The following PCDH11X variants were observed in gnomAD, a reference collection of about 807,000 sequenced individuals.
The protein encoded by PCDH11X is protocadherin 11 X-linked, also known as protocadherin-11 X-linked.
A neutral mutation model predicts 53.3 loss-of-function variants in PCDH11X; 18 were observed. That is an observed-to-expected ratio of 0.34 (90% CI 0.23 to 0.50). The LOEUF (loss-of-function observed/expected upper bound fraction) is 0.50, where lower values mean the gene tolerates loss of function less well. Ranked by LOEUF, PCDH11X falls within the 20% of genes least tolerant of loss-of-function variation. The pLI, the probability that PCDH11X is intolerant of heterozygous loss-of-function variation, is 0.98. For synonymous variants in PCDH11X, 279 were observed against 393.3 expected (o/e 0.71, Z 3.44); for missense variants, 570 against 1,032.4 (o/e 0.55, Z 6.14).
chrX:91,792,020 C>T (rs1935569872), intron 1 of PCDH11X, among the ~76,000 whole-genome samples: 1 of 109,408 alleles, frequency 9.1e-6, no homozygotes, highest in East Asian at 2.9e-4. Context: ...CGCCACCGCG[C>T]CTGGCTAACT....
chrX:92,180,835 C>T (rs1232831426), intron 6 of PCDH11X, among the ~76,000 whole-genome samples: 2 of 109,012 alleles, frequency 1.8e-5, no homozygotes, highest in Non-Finnish European at 3.8e-5. Context: ...CCTCTCCAGC[C>T]ATGTGGAACT....
chrX:92,432,640 G>A (rs1232657759), intron 9 of PCDH11X, among the ~76,000 whole-genome samples: 1 of 109,044 alleles, frequency 9.2e-6, no homozygotes, highest in Non-Finnish European at 1.9e-5. Flanking sequence ...GATTTCCATG[G>A]GCACTCTGTT....
chrX:92,196,377 G>C (rs2066291877), intron 6 of PCDH11X, among the ~76,000 whole-genome samples: 1 of 111,529 alleles, frequency 9.0e-6, no homozygotes, highest in Admixed American at 9.6e-5. Flanking sequence ...AAGCTTTTGA[G>C]AAATCTCCAG....
chrX:91,804,622 CAG>C (rs756957437), intron 1 of PCDH11X, among the ~76,000 whole-genome samples: 1 of 109,882 alleles, frequency 9.1e-6, no homozygotes, highest in Non-Finnish European at 1.9e-5. Context: ...TTTATTAGGT[CAG>C]AGAGGGTATA....
intron 6 of PCDH11X, among the ~76,000 whole-genome samples, chrX:92,147,984 C>T (rs12007469): frequency 6.9e-4 from 50 of 72,098 alleles, no homozygotes; most frequent in East Asian, 6.4e-3. Context: ...TTCCTTCCTT[C>T]CTTTCTTTCT....
intron 10 of PCDH11X, among the ~76,000 whole-genome samples, chrX:92,603,485 T>G (rs1446355239): frequency 1.0e-5 from 1 of 100,342 alleles, no homozygotes; most frequent in African/African-American, 3.7e-5. Flanking sequence ...TTTAATGAAG[T>G]CTGATAAACA....
chrX:92,577,995 A>T (rs1444778239), intron 10 of PCDH11X, among the ~76,000 whole-genome samples: 93 of 108,865 alleles, frequency 8.5e-4, no homozygotes, highest in Admixed American at 2.9e-3. Context: ...TGTGGCAAAG[A>T]ATGCATATTC....
intron 7 of PCDH11X, among the ~76,000 whole-genome samples, chrX:92,229,808 GACCAAACTT>G (rs1048358849): frequency 4.5e-5 from 5 of 111,066 alleles, no homozygotes; most frequent in Non-Finnish European, 9.4e-5. Flanking sequence ...CTGGAAACAT[GACCAAACTT>G]ACCAAGCAGC....
chrX:92,399,421 G>A (rs1284676604), intron 9 of PCDH11X, among the ~76,000 whole-genome samples: 2 of 110,424 alleles, frequency 1.8e-5, no homozygotes, highest in Non-Finnish European at 3.8e-5. Flanking sequence ...AGCTGACCCA[G>A]GTAAAGATGA....
At chrX:92,218,992 A>C (rs1414024835) in intron 7 of PCDH11X, among the ~76,000 whole-genome samples, 2 of 111,845 alleles carry the variant, frequency 1.8e-5, no homozygotes, top group Non-Finnish European at 3.8e-5. Flanking sequence ...GACAAAATTC[A>C]ACAACACTTC....
At chrX:92,016,567 T>C (rs2062796226) in intron 6 of PCDH11X, among the ~76,000 whole-genome samples, 1 of 97,460 alleles carries the variant, frequency 1.0e-5, no homozygotes, top group Non-Finnish European at 2.0e-5. Flanking sequence ...TTAAACCTCA[T>C]GACCAACCTC....
At chrX:92,259,356 A>T (rs780022178) in intron 7 of PCDH11X, among the ~76,000 whole-genome samples, 1 of 111,551 alleles carries the variant, frequency 9.0e-6, no homozygotes, top group Non-Finnish European at 1.9e-5. Context: ...GCTGTATAGG[A>T]AGCTTAGTGG....
At chrX:91,827,179 AT>A (rs1936952558) in intron 4 of PCDH11X, among the ~76,000 whole-genome samples, 1 of 111,799 alleles carries the variant, frequency 8.9e-6, no homozygotes, top group Non-Finnish European at 1.9e-5. Flanking sequence ...ATGATATCTC[AT>A]TGAGATTTTG....
intron 10 of PCDH11X, among the ~76,000 whole-genome samples, chrX:92,556,666 C>T (rs1488099356): frequency 1.8e-5 from 2 of 111,471 alleles, no homozygotes; most frequent in African/African-American, 6.5e-5. Context: ...AATTTACTGT[C>T]TGCAGCTTTT....
chrX:92,286,991 T>C (rs1201806815), intron 8 of PCDH11X, among the ~76,000 whole-genome samples: 1 of 106,432 alleles, frequency 9.4e-6, no homozygotes, highest in Non-Finnish European at 1.9e-5. Context: ...GCCTGGAACA[T>C]ATTGGTGCCA....
At chrX:91,816,985 G>T (rs1262737703) in intron 4 of PCDH11X, among the ~76,000 whole-genome samples, 8 of 106,128 alleles carry the variant, frequency 7.5e-5, no homozygotes, top group Non-Finnish European at 1.4e-4. Flanking sequence ...TAAGGATTAT[G>T]ATGGTGATAA....
intron 6 of PCDH11X, among the ~76,000 whole-genome samples, chrX:92,159,377 T>C (rs1282960232): frequency 9.4e-6 from 1 of 106,830 alleles, no homozygotes; most frequent in Non-Finnish European, 1.9e-5. Context: ...TTCACATCTA[T>C]GAATTCTTTG....
intron 6 of PCDH11X, among the ~76,000 whole-genome samples, chrX:92,056,645 C>T (rs111990167): frequency 0.032 from 3,488 of 109,417 alleles, 136 homozygotes; most frequent in African/African-American, 0.11. Flanking sequence ...GGTTGTCTTC[C>T]GAGATTCTTA....
At chrX:91,870,942 A>C (rs2147712996) in intron 5 of PCDH11X, among the ~76,000 whole-genome samples, 1 of 111,303 alleles carries the variant, frequency 9.0e-6, no homozygotes, top group African/African-American at 3.3e-5. Flanking sequence ...TTATCGGCAG[A>C]TATGTGACTA....
Sources: gnomAD v4.1 joint callset for allele counts (sites outside exome capture counted in the v4.1 genomes callset) on GRCh38, gnomAD v4.1.1 for gene constraint, MANE v1.5 for transcripts, NCBI Gene and HGNC (gene_info 2026-07-23, HGNC 2026-07-21) for gene names.